CALD1: variants seen among roughly 807,000 people sequenced by gnomAD.
CALD1 encodes the protein caldesmon.
A neutral mutation model predicts 99.9 loss-of-function variants in CALD1; 33 were observed. The observed-to-expected ratio is 0.33, with a 90% CI of 0.25 to 0.44. CALD1 has a LOEUF of 0.44. Ranked by LOEUF, CALD1 falls within the 20% of genes least tolerant of loss-of-function variation. The probability of loss-of-function intolerance (pLI) is 1.00; values close to 1 mark genes in which losing one functional copy is unlikely to be tolerated. For synonymous variants in CALD1, 310 were observed against 325.0 expected, an observed-to-expected ratio of 0.95 and a Z score of 0.50; for missense variants, 861 against 962.1, an observed-to-expected ratio of 0.89 and a Z score of 1.39.
At position 134,754,855 on chromosome 7, in the gene CALD1, C is replaced by T. The variant is rs180811539; in HGVS notation, c.-130+10492C>T. Among the ~76,000 whole-genome samples, 16 of 151,958 alleles carry T rather than the reference C, an allele frequency of 1.1e-4. No homozygotes were observed. The East Asian group carries it at 1.7e-3, about 17-fold the overall frequency. On this transcript the variant is annotated intron_variant, in intron 1 of 13. Coordinates refer to the CALD1 transcript ENST00000417172. ...GTGTGTGTGAAGGTTTCTTTAGAGA[C>T]GATCAGGAAAAGTAAAATTGTTAGA...
intron 1 of CALD1, among the ~76,000 whole-genome samples, chr7:134,771,332 C>CCCCT (rs1396757018): frequency 6.6e-6 from 1 of 152,166 alleles, no homozygotes; most frequent in African/African-American, 2.4e-5. Flanking sequence ...ATGATTTCCA[C>CCCCT]CCCTCCCTGC....
rs900418618 is a variant in CALD1, at chr7:134,950,479, T to C, written c.1900T>C (p.Phe634Leu). 2.5e-6 allele frequency: 4 copies of C among 1,614,146 alleles called. No homozygotes were observed. Among genetic ancestry groups the C allele is most frequent in the East Asian group, 2.2e-5 (1 of 44,886 alleles). ...TGGCTTGTCAGATGACAAGAAACCA[T>C]TCAAGTGTTTCACTCCTAAAGGTTC... Reference protein sequence around the residue: ...EDGLSDDKKPFKCFTPKGSSL... With the variant: ...EDGLSDDKKPLKCFTPKGSSL... The change falls in exon 9 of 15, where the codon TTC becomes CTC. Residue 634 changes from phenylalanine to leucine, a missense_variant. Around this residue, in one of 5 missense-constraint regions of CALD1, gnomAD observed 190 missense variants for 249.0 expected, o/e 0.76. Transcript: ENST00000361675.
the CALD1 span, among the ~76,000 whole-genome samples, chr7:134,732,239 C>T: frequency 6.6e-6 from 1 of 152,248 alleles, no homozygotes; most frequent in African/African-American, 2.4e-5. Flanking sequence ...TTCTGAAGCA[C>T]ACGTCTAAGC....
At chr7:134,716,551 A>G in the CALD1 span, among the ~76,000 whole-genome samples, 1 of 152,352 alleles carries the variant, frequency 6.6e-6, no homozygotes, top group South Asian at 2.1e-4. Context: ...TTTTTAACAC[A>G]CCATCAAATA....
At chr7:134,909,370 A>C (rs1281236978) in intron 3 of CALD1, among the ~76,000 whole-genome samples, 1 of 152,238 alleles carries the variant, frequency 6.6e-6, no homozygotes, top group South Asian at 2.1e-4. Context: ...TTACCAAGGA[A>C]GAAGGCCATT....
At chr7:134,820,288 GC>G (rs753116074) in intron 1 of CALD1, among the ~76,000 whole-genome samples, 1 of 152,162 alleles carries the variant, frequency 6.6e-6, no homozygotes, top group African/African-American at 2.4e-5. Context: ...GCTTAAAATT[GC>G]CCCTGGAGAC....
rs75572398 is a variant in CALD1 at position 134,764,800 on chromosome 7, C to T, written c.-130+20437C>T. ...GGCAAATGTGAAGCGGGAGAAGCAC[C>T]AAGACTGAAGTCACTGAGGCAGGAG... On this transcript the variant is annotated intron_variant, in intron 1 of 13. Transcript: ENST00000417172. Among the ~76,000 whole-genome samples the T allele has an allele frequency of 2.9e-3, 437 of 152,084 alleles. 3 individuals carry two copies. The highest frequency in any genetic ancestry group is 0.01 in the African/African-American group (420 of 41,476).
the CALD1 span, among the ~76,000 whole-genome samples, chr7:134,730,315 A>G: frequency 6.6e-6 from 1 of 152,086 alleles, no homozygotes; most frequent in African/African-American, 2.4e-5. Context: ...ATAAGTAAAG[A>G]GAACCGAAAG....
intron 1 of CALD1, among the ~76,000 whole-genome samples, chr7:134,791,028 A>T (rs1797508602): frequency 6.7e-6 from 1 of 148,402 alleles, no homozygotes; most frequent in Non-Finnish European, 1.5e-5. Context: ...TTACAAAAGA[A>T]ATTAGTGTCC....
At chr7:134,917,064 G>A (rs1358973385) in intron 3 of CALD1, among the ~76,000 whole-genome samples, 1 of 152,218 alleles carries the variant, frequency 6.6e-6, no homozygotes, top group Non-Finnish European at 1.5e-5. Flanking sequence ...TGGAGCAGGT[G>A]TGATTCAGTT....
chr7:134,747,148 G>T (rs1366375379), intron 1 of CALD1, among the ~76,000 whole-genome samples: 1 of 152,192 alleles, frequency 6.6e-6, no homozygotes, highest in African/African-American at 2.4e-5. Context: ...TGGAAGCCAG[G>T]TGCTATTAAT....
intron 7 of CALD1, among the ~76,000 whole-genome samples, chr7:134,942,851 A>C (rs994089055): frequency 2.0e-5 from 3 of 152,242 alleles, no homozygotes; most frequent in Non-Finnish European, 2.9e-5. Context: ...ACTTGCCAAC[A>C]AGCTTCAAAG....
rs188292528 is a variant in CALD1 at position 134,814,123 on chromosome 7, A to C, written c.-129-29761A>C. Among the ~76,000 whole-genome samples, 123 of 152,304 alleles carry C rather than the reference A, an allele frequency of 8.1e-4. 1 individual carries two copies. Among genetic ancestry groups the C allele is most frequent in the African/African-American group, 2.6e-3 (110 of 41,572 alleles). On this transcript the variant is annotated intron_variant, in intron 1 of 14. Transcript: ENST00000361675. ...CTGCAACAAGGAGGGGTAGAGGATA[A>C]TATTTTCAGGAAGGAATATAGCTGT...
the CALD1 span, among the ~76,000 whole-genome samples, chr7:134,719,975 A>G: frequency 6.7e-6 from 1 of 148,480 alleles, no homozygotes; most frequent in Non-Finnish European, 1.5e-5. Flanking sequence ...TTTGAGCTAC[A>G]CAGATCCTTC....
At chr7:134,764,850 T>C (rs1208988644) in intron 1 of CALD1, among the ~76,000 whole-genome samples, 1 of 151,972 alleles carries the variant, frequency 6.6e-6, no homozygotes, top group Non-Finnish European at 1.5e-5. Flanking sequence ...GTGGGGCTGG[T>C]GCCAAGGAGG....
intron 2 of CALD1, among the ~76,000 whole-genome samples, chr7:134,859,906 GC>G (rs906190635): frequency 2.6e-5 from 4 of 152,080 alleles, no homozygotes; most frequent in Non-Finnish European, 4.4e-5. Flanking sequence ...GAAAGAAAGG[GC>G]ATAAAGACAT....
At chr7:134,773,108 G>A (rs1400389480) in intron 1 of CALD1, among the ~76,000 whole-genome samples, 1 of 151,922 alleles carries the variant, frequency 6.6e-6, no homozygotes, top group Non-Finnish European at 1.5e-5. Flanking sequence ...GTATCCTTTA[G>A]TTTTCAAAAG....
At chr7:134,876,593 G>A (rs1198711387) in intron 3 of CALD1, among the ~76,000 whole-genome samples, 2 of 152,252 alleles carry the variant, frequency 1.3e-5, no homozygotes, top group African/African-American at 4.8e-5. Flanking sequence ...TCAGGAACTG[G>A]GAATCAAAGT....
intron 8 of CALD1, among the ~76,000 whole-genome samples, chr7:134,948,609 G>GT (rs1807095889): frequency 6.6e-6 from 1 of 152,056 alleles, no homozygotes; most frequent in Non-Finnish European, 1.5e-5. Context: ...AATCAGTAAG[G>GT]AGACCCCGCT....
Sources: allele counts gnomAD v4.1 joint callset (sites outside exome capture counted in the v4.1 genomes callset), GRCh38; gene constraint gnomAD v4.1.1; regional missense constraint gnomAD v4.1.1; transcripts MANE v1.5; gene names NCBI Gene and HGNC (gene_info 2026-07-23, HGNC 2026-07-21).